The following FCGR2B variants were observed in gnomAD, a reference collection of about 807,000 sequenced individuals.
FCGR2B encodes low affinity immunoglobulin gamma Fc region receptor II-b.
FCGR2B carries 18 observed loss-of-function variants against 24.8 expected under a neutral mutation model. That is an observed-to-expected ratio of 0.73 (90% CI 0.50 to 1.08). The LOEUF is 1.08. FCGR2B is among the 50% of genes least tolerant of loss of function. The probability of loss-of-function intolerance (pLI) is 0.00; values close to 1 mark genes in which losing one functional copy is unlikely to be tolerated. For missense variants in FCGR2B, 215 were observed against 297.6 expected (o/e 0.72, Z 2.04); for synonymous variants, 79 against 109.8 (o/e 0.72, Z 1.75).
intron 6 of FCGR2B, 187 bp downstream of exon 6, chr1:161,675,500 T>G (rs150128840): frequency 4.0e-5 from 19 of 478,986 alleles, no homozygotes; most frequent in East Asian, 7.1e-5. Flanking sequence ...AGACGACCTC[T>G]CTGGAGATGA....
At chr1:161,675,081 A>C (rs72480273) in intron 5 of FCGR2B, 176 bp from the exon 6 acceptor site, 82,749 of 553,524 alleles carry the variant, frequency 0.15, 6,676 homozygotes, top group African/African-American at 0.17. Flanking sequence ...CCTCTGGACC[A>C]GCCCTTTTCC....
the FCGR2B span, among the ~76,000 whole-genome samples, chr1:161,647,323 T>G: frequency 0.14 from 20,448 of 141,958 alleles, 1,643 homozygotes; most frequent in Admixed American, 0.16. Context: ...TTTTTGAGAT[T>G]GAGTCTCGCT....
chr1:161,661,223 A>C (rs141136507), upstream of FCGR2B, among the ~76,000 whole-genome samples: 2 of 74,672 alleles, frequency 2.7e-5, no homozygotes, highest in South Asian at 4.0e-4. Flanking sequence ...AGAAAGAAAG[A>C]AAGAAAGAAA....
intron 2 of FCGR2B, 88 bp from the exon 3 acceptor site, chr1:161,671,304 C>G (rs1371015870): frequency 2.5e-6 from 4 of 1,603,058 alleles, no homozygotes; most frequent in Non-Finnish European, 3.4e-6. Flanking sequence ...CCTAGTAGGC[C>G]TACAGGTGCT....
At chr1:161,649,121 C>T in the FCGR2B span, among the ~76,000 whole-genome samples, 56 of 150,862 alleles carry the variant, frequency 3.7e-4, 2 homozygotes, top group African/African-American at 1.3e-3. Flanking sequence ...CTCTAAATAC[C>T]TTTTCACCAT....
chr1:161,677,458 G>C lies in FCGR2B; in HGVS notation c.856-18G>C, dbSNP rs772043860. The C allele has an allele frequency of 6.2e-7, 1 of 1,612,928 alleles. No homozygotes were observed. Among genetic ancestry groups the C allele is most frequent in the Non-Finnish European group, 8.5e-7 (1 of 1,179,152 alleles). On this transcript the variant is annotated intron_variant, in intron 7 of 7. Transcript: ENST00000358671. The stretch of plus-strand genomic sequence containing the variant: ...GCCCTCTCTGTGGATCCTTACTGCT[G>C]GTTTCTGCCTTCTCTAGGCTGAGAA...
chr1:161,650,205 T>A, the FCGR2B span, among the ~76,000 whole-genome samples: 1 of 147,516 alleles, frequency 6.8e-6, no homozygotes, highest in Non-Finnish European at 1.5e-5. Flanking sequence ...TTTTGCCAAG[T>A]TGGCCAGGCT....
At chr1:161,675,515 A>G (rs1682046009) in intron 6 of FCGR2B, 1 of 470,742 alleles carries the variant, frequency 2.1e-6, no homozygotes, top group Non-Finnish European at 3.8e-6. Flanking sequence ...AGATGAGAAG[A>G]GAAACACCAG....
chr1:161,671,334 G>A, intron 2 of FCGR2B, 58 bp from the exon 3 acceptor site: 1 of 1,613,398 alleles, frequency 6.2e-7, no homozygotes, highest in Middle Eastern at 1.7e-4. Flanking sequence ...GAGATTCAGG[G>A]CCTCTCAAGC....
rs1271298838 is a variant in FCGR2B, at chr1:161,671,395, C to G, written c.137C>G (p.Ala46Gly). 23 of 1,614,036 alleles carry G rather than the reference C, an allele frequency of 1.4e-5. No homozygotes were observed. Among genetic ancestry groups the G allele is most frequent in the Non-Finnish European group, 1.9e-5 (22 of 1,180,036 alleles). Reference sequence around the variant, plus strand: ...ACCTCCTCTCTCTGCCCCTCAGCAGCTCCCCCAAAGGCTGTGCTGAAACTC... The same window carrying G: ...ACCTCCTCTCTCTGCCCCTCAGCAGGTCCCCCAAAGGCTGTGCTGAAACTC... ...FLAPVAGTPA[A>G]PPKAVLKLEP... The change falls in exon 3 of 8, where the codon GCT (alanine) becomes GGT (glycine). Residue 46 changes from alanine to glycine, a missense_variant. This residue lies in a region of FCGR2B where 77 missense variants were observed against 68.8 expected (regional missense o/e 1.12). Coordinates refer to ENST00000358671, the MANE Select transcript of FCGR2B (RefSeq NM_001394477.1).
rs547169866 is a variant in FCGR2B, at chr1:161,675,362, C to T, written c.817+49C>T. On this transcript the variant is annotated intron_variant, in intron 6 of 7. Transcript: ENST00000358671. ...TTCAGTGATGGCTCACCAGGGCTGC[C>T]GGCTGGACTGGAGCCAGGGAGAAGG... 5.2e-5 allele frequency: 71 copies of T among 1,360,874 alleles called. No individual in the cohort carries two copies. The African/African-American group carries it at 6.4e-4, about 12-fold the overall frequency. The allele number at this position is 1,360,874 out of a possible 1,614,324, so 84.3% of individuals were successfully genotyped here.
intron 6 of FCGR2B, chr1:161,676,057 C>T (rs1315377749): frequency 4.3e-6 from 1 of 231,330 alleles, no homozygotes; most frequent in African/African-American, 2.2e-5. Context: ...TTCTGAGAAC[C>T]AGGGGCCACC....
chr1:161,676,579 T>C (rs1682160785), intron 6 of FCGR2B: 1 of 161,864 alleles, frequency 6.2e-6, no homozygotes, highest in South Asian at 2.0e-4. Flanking sequence ...AGAATGGGAA[T>C]TCAGAATGCG....
the FCGR2B span, among the ~76,000 whole-genome samples, chr1:161,651,919 G>A: frequency 2.9e-5 from 3 of 102,166 alleles, 1 homozygote; most frequent in Admixed American, 1.1e-4. Context: ...GGCAACAAGA[G>A]CGAAACTCCA....
chr1:161,650,662 T>C, the FCGR2B span, among the ~76,000 whole-genome samples: 4 of 136,674 alleles, frequency 2.9e-5, no homozygotes, highest in Admixed American at 3.0e-4. Context: ...TGAGAACCAC[T>C]GGTGTAGAGG....
the FCGR2B span, among the ~76,000 whole-genome samples, chr1:161,653,253 A>C: frequency 2.3e-5 from 3 of 132,030 alleles, 1 homozygote; most frequent in African/African-American, 7.8e-5. Flanking sequence ...AAAATACAAA[A>C]TTAGCTGGGC....
intron 6 of FCGR2B, chr1:161,677,087 G>A (rs964945003): frequency 7.8e-5 from 41 of 527,418 alleles, no homozygotes; most frequent in Middle Eastern, 4.8e-4. Flanking sequence ...TGAAAAGAAT[G>A]CAGCTCAAGT....
At chr1:161,676,996 C>T in intron 6 of FCGR2B, 1 of 410,082 alleles carries the variant, frequency 2.4e-6, no homozygotes, top group Non-Finnish European at 4.3e-6. Context: ...TGATGCTGAA[C>T]ACCCCCCTCC....
rs1472813208 is a variant in FCGR2B at position 161,677,193 on chromosome 1, C to T, written c.818-135C>T. ...AGGTCATATTTACCCAGTGCTTGGC[C>T]TAGAGGCCCAAGACAGGGTCAGCAG... is the stretch of plus-strand genomic sequence containing the variant. On this transcript the variant is annotated intron_variant, in intron 6 of 7. Coordinates refer to ENST00000358671, the MANE Select transcript of FCGR2B (RefSeq NM_001394477.1). 10 of 829,572 alleles carry T rather than the reference C, an allele frequency of 1.2e-5. No homozygotes were observed. The African/African-American group carries it at 1.7e-4, about 14-fold the overall frequency. 51.4% of individuals were successfully genotyped at this position (829,572 alleles called of 1,614,324 possible).
Sources: allele counts gnomAD v4.1 joint callset (sites outside exome capture counted in the v4.1 genomes callset), GRCh38; gene constraint gnomAD v4.1.1; regional missense constraint gnomAD v4.1.1; transcripts MANE v1.5; gene names NCBI Gene and HGNC (gene_info 2026-07-23, HGNC 2026-07-21).